Variants in SNAP47 observed in about 807,000 individuals in gnomAD.
The protein encoded by SNAP47 is synaptosome associated protein 47, also known as synaptosomal-associated protein 47.
In SNAP47, 20 loss-of-function variants were observed where a neutral mutation model predicts 31.4. The observed-to-expected ratio is 0.64, with a 90% confidence interval of 0.45 to 0.93. The LOEUF is 0.93. Ranked by LOEUF, SNAP47 falls within the 40% of genes least tolerant of loss-of-function variation. SNAP47 has a pLI of 0.00. For synonymous variants in SNAP47, 194 were observed against 213.4 expected, an observed-to-expected ratio of 0.91 and a Z score of 0.79; for missense variants, 492 against 528.5, an observed-to-expected ratio of 0.93 and a Z score of 0.68.
In SNAP47 at chr1:227,759,387, A is replaced by G. The variant is rs774038841; in HGVS notation, c.890A>G (p.Gln297Arg). The change falls in exon 3 of 5, where the codon CAG (glutamine) becomes CGG (arginine). Residue 297 changes from glutamine to arginine, a missense_variant. By Grantham distance (43) the Gln-to-Arg change is conservative (BLOSUM62 1). Coordinates refer to ENST00000617596, the MANE Select transcript of SNAP47 (RefSeq NM_053052.4). ...MPEVIPILEV[Q>R]FSKKMELLED... is the part of the protein sequence containing the mutation. ...GAGGTTATCCCCATTTTAGAAGTGCAGTTCAGCAAGAAGATGGAGCTGTTA... is the reference window on the plus strand; with the variant it reads ...GAGGTTATCCCCATTTTAGAAGTGCGGTTCAGCAAGAAGATGGAGCTGTTA... 3.1e-6 allele frequency: 5 copies of G among 1,614,116 alleles called. No individual in the cohort carries two copies. The highest frequency in any genetic ancestry group is 4.2e-6 in the Non-Finnish European group (5 of 1,180,048).
At chr1:227,735,102 A>C (rs1203676858), upstream of SNAP47, 14 of 1,574,940 alleles carry the variant, frequency 8.9e-6, no homozygotes, top group Non-Finnish European at 1.2e-5. Flanking sequence ...AAGGCGCTGG[A>C]AAACACGCAG....
intron 4 of SNAP47, chr1:227,775,724 T>G: frequency 7.8e-7 from 1 of 1,289,998 alleles, no homozygotes; most frequent in Non-Finnish European, 1.0e-6. Flanking sequence ...CTATATTTAT[T>G]TTTTGCCTTT....
upstream of SNAP47, chr1:227,730,358 C>G (rs1660561767): frequency 6.6e-6 from 1 of 152,192 alleles, no homozygotes; most frequent in Admixed American, 6.5e-5. Context: ...CCTGACACTT[C>G]AAACTGCTGT....
chr1:227,758,357 G>A (rs903684082), intron 2 of SNAP47, among the ~76,000 whole-genome samples: 1 of 152,224 alleles, frequency 6.6e-6, no homozygotes, highest in African/African-American at 2.4e-5. Flanking sequence ...CTCAGCTTCT[G>A]TCCCCACACC....
intron 1 of SNAP47, among the ~76,000 whole-genome samples, chr1:227,743,058 C>G (rs930889211): frequency 4.6e-5 from 7 of 152,114 alleles, no homozygotes; most frequent in Non-Finnish European, 7.4e-5. Flanking sequence ...GCTAGGTTGA[C>G]CATGGTACTG....
At chr1:227,764,604 A>T (rs1663270044) in intron 3 of SNAP47, among the ~76,000 whole-genome samples, 1 of 148,648 alleles carries the variant, frequency 6.7e-6, no homozygotes, top group African/African-American at 2.5e-5. Flanking sequence ...CCCCGTCTCT[A>T]TAAAAAAATA....
At position 227,748,251 on chromosome 1, in the gene SNAP47, A is replaced by G; in HGVS notation, c.497+18A>G. On this transcript the variant is annotated intron_variant, in intron 2 of 4. Coordinates refer to ENST00000617596, the MANE Select transcript of SNAP47 (RefSeq NM_053052.4). ...GCGGACAGGTGGGCTTGCTGTGTACACTTTGCAAGGCACACACAGAGTAAG... is the reference window on the plus strand; with the variant it reads ...GCGGACAGGTGGGCTTGCTGTGTACGCTTTGCAAGGCACACACAGAGTAAG... 1.9e-6 allele frequency: 3 copies of G among 1,542,656 alleles called. No homozygotes were observed. Among genetic ancestry groups the G allele is most frequent in the South Asian group, 1.3e-5 (1 of 78,852 alleles).
chr1:227,759,181 G>A lies in SNAP47; in HGVS notation c.684G>A (p.Gly228=). The stretch of plus-strand genomic sequence containing the variant: ...GAACAGAGTCTCACGTTAAACCAGG[G>A]AGGCTCACCGTCCTTGTGTCTGGGT... ...SHRTESHVKP[G]RLTVLVSGLE... is the part of the protein sequence containing the mutation. Residue 228 remains glycine, a synonymous_variant, in exon 3 of 5, where the codon GGG becomes GGA. Transcript: ENST00000617596. 1.2e-6 allele frequency: 2 copies of A among 1,614,202 alleles called. No individual in the cohort carries two copies. The highest frequency in any genetic ancestry group is 8.5e-7 in the Non-Finnish European group (1 of 1,180,046).
chr1:227,767,235 T>A (rs1208801495), intron 4 of SNAP47, 152 bp downstream of exon 4: 2 of 1,187,144 alleles, frequency 1.7e-6, no homozygotes, highest in Non-Finnish European at 2.4e-6. Context: ...ACTCGGCAGC[T>A]GCAGGGAGGG....
At chr1:227,735,413 C>T (rs764504152), upstream of SNAP47, 5 of 1,551,244 alleles carry the variant, frequency 3.2e-6, no homozygotes, top group East Asian at 1.2e-4. Flanking sequence ...TGCACGCATG[C>T]GCGCGGCTCG....
chr1:227,772,000 AGACCGAGTGCTT>A (rs1385971567), intron 4 of SNAP47, among the ~76,000 whole-genome samples: 2 of 152,066 alleles, frequency 1.3e-5, no homozygotes, highest in African/African-American at 4.8e-5. Context: ...GGTCAAGCAG[AGACCGAGTGCTT>A]GACCGAGTGC....
chr1:227,761,056 G>A (rs1336948197), intron 3 of SNAP47, among the ~76,000 whole-genome samples: 1 of 152,184 alleles, frequency 6.6e-6, no homozygotes, highest in Non-Finnish European at 1.5e-5. Flanking sequence ...CCTATGTATT[G>A]TGCATGTATG....
intron 1 of SNAP47, chr1:227,735,877 G>A: frequency 3.0e-6 from 1 of 329,628 alleles, no homozygotes; most frequent in Non-Finnish European, 4.3e-6. Context: ...GGTGGGACCT[G>A]GAGGGGATGG....
chr1:227,768,158 C>T (rs370902895), intron 4 of SNAP47: 2 of 473,892 alleles, frequency 4.2e-6, no homozygotes, highest in South Asian at 1.8e-4. Context: ...GTGCTCCCAC[C>T]TTCTGAGCCC....
In SNAP47 at chr1:227,755,615, G is replaced by A. The variant is rs116941613; in HGVS notation, c.498-3380G>A. ...TTGGCCGGGCTGGTCTTGAACTCCT[G>A]GGCCTCAAGTAATCCACCTCGGCCT... On this transcript the variant is annotated intron_variant, in intron 2 of 4. Transcript: ENST00000617596. Among the ~76,000 whole-genome samples the A allele has an allele frequency of 4.6e-3, 698 of 152,200 alleles. 18 individuals are homozygous for A. The South Asian group carries it at 0.055, about 12-fold the overall frequency.
chr1:227,739,331 G>T (rs1661440322), intron 1 of SNAP47, among the ~76,000 whole-genome samples: 1 of 152,180 alleles, frequency 6.6e-6, no homozygotes, highest in South Asian at 2.1e-4. Flanking sequence ...GGCCAGGACG[G>T]GTTTTAAGTC....
chr1:227,734,713 G>A (rs1266741461), upstream of SNAP47: 19 of 1,614,014 alleles, frequency 1.2e-5, no homozygotes, highest in Admixed American at 3.0e-4. Flanking sequence ...CCGCCTGTAT[G>A]TACTCTTTCC....
intron 1 of SNAP47, among the ~76,000 whole-genome samples, chr1:227,739,073 C>T (rs1403455462): frequency 6.6e-6 from 1 of 152,170 alleles, no homozygotes; most frequent in African/African-American, 2.4e-5. Flanking sequence ...GCTTGTGTCA[C>T]CCAGAGCCCG....
At chr1:227,770,293 G>T (rs1309786877) in intron 4 of SNAP47, among the ~76,000 whole-genome samples, 2 of 152,228 alleles carry the variant, frequency 1.3e-5, no homozygotes. Flanking sequence ...TGGGACGGGG[G>T]TGAGACTGAG....
Sources: gnomAD v4.1 joint callset for allele counts (sites outside exome capture counted in the v4.1 genomes callset) on GRCh38, gnomAD v4.1.1 for gene constraint, MANE v1.5 for transcripts, NCBI Gene and HGNC (gene_info 2026-07-23, HGNC 2026-07-21) for gene names.